ROCK2: variants seen among roughly 807,000 people sequenced by gnomAD.
ROCK2 encodes rho-associated protein kinase 2.
ROCK2 carries 61 observed loss-of-function variants against 195.1 expected under a neutral mutation model. The observed-to-expected ratio is 0.31, with a 90% CI of 0.25 to 0.39. The LOEUF is 0.39. ROCK2 is among the 10% of genes least tolerant of loss of function. The pLI is 1.00. For missense variants in ROCK2, 1,109 were observed against 1,637.4 expected, an observed-to-expected ratio of 0.68 and a Z score of 5.57; for synonymous variants, 504 against 545.5, an observed-to-expected ratio of 0.92 and a Z score of 1.06.
chr2:11,233,682 CAGGGAGAG>C (rs1206863222), intron 5 of ROCK2, among the ~76,000 whole-genome samples: 2 of 152,086 alleles, frequency 1.3e-5, no homozygotes, highest in Non-Finnish European at 2.9e-5. Flanking sequence ...TAACTGACAT[CAGGGAGAG>C]ATATAAAAAC....
intron 32 of ROCK2, among the ~76,000 whole-genome samples, chr2:11,190,349 C>A: frequency 7.7e-6 from 1 of 130,502 alleles, no homozygotes. Flanking sequence ...ATTCACAGGG[C>A]AAGGCCAGAA....
chr2:11,306,480 G>A (rs960745540), intron 1 of ROCK2, among the ~76,000 whole-genome samples: 1 of 152,100 alleles, frequency 6.6e-6, no homozygotes, highest in Non-Finnish European at 1.5e-5. Flanking sequence ...TTATTAAAAT[G>A]CAAACTGATA....
At chr2:11,312,881 G>A (rs953223238) in intron 1 of ROCK2, among the ~76,000 whole-genome samples, 1 of 151,982 alleles carries the variant, frequency 6.6e-6, no homozygotes, top group African/African-American at 2.4e-5. Context: ...AAAAGCCTAC[G>A]CACTGGACAA....
At chr2:11,305,327 G>T (rs1667822311) in intron 1 of ROCK2, among the ~76,000 whole-genome samples, 1 of 152,172 alleles carries the variant, frequency 6.6e-6, no homozygotes, top group Admixed American at 6.5e-5. Context: ...AGTGAGCAGA[G>T]ATCATGCCAC....
At chr2:11,274,401 A>G (rs1364382564) in intron 3 of ROCK2, among the ~76,000 whole-genome samples, 1 of 152,200 alleles carries the variant, frequency 6.6e-6, no homozygotes, top group East Asian at 1.9e-4. Context: ...GAGAATGCTC[A>G]AATTATTAAA....
At chr2:11,326,907 G>C (rs72789543) in intron 1 of ROCK2, among the ~76,000 whole-genome samples, 3 of 152,090 alleles carry the variant, frequency 2.0e-5, no homozygotes, top group Admixed American at 1.3e-4. Context: ...TCCCATGAAG[G>C]GGGGAGACCA....
chr2:11,219,035 A>G lies in ROCK2; in HGVS notation c.1260-9T>C, dbSNP rs1664530462. ...GAGAGTCACTTAATAATCTACATGG[A>G]AGGGGGGAGAAAATAAATTTTTTCA... On this transcript the variant is annotated splice_polypyrimidine_tract_variant and intron_variant, in intron 9 of 32. Coordinates refer to ENST00000315872, the MANE Select transcript of ROCK2 (RefSeq NM_004850.5). The G allele has an allele frequency of 1.4e-6, 2 of 1,398,922 alleles. No individual in the cohort carries two copies. Among genetic ancestry groups the G allele is most frequent in the South Asian group, 1.4e-5 (1 of 71,902 alleles). The allele number at this position is 1,398,922 out of a possible 1,614,324, so 86.7% of individuals were successfully genotyped here.
At chr2:11,251,447 T>A (rs1665828403) in intron 3 of ROCK2, among the ~76,000 whole-genome samples, 1 of 152,184 alleles carries the variant, frequency 6.6e-6, no homozygotes, top group Admixed American at 6.5e-5. Context: ...ATACTACAAA[T>A]GGGAAATCTG....
At chr2:11,338,875 T>C (rs753655073) in intron 1 of ROCK2, among the ~76,000 whole-genome samples, 1 of 151,372 alleles carries the variant, frequency 6.6e-6, no homozygotes, top group African/African-American at 2.4e-5. Context: ...ATTCCATTTT[T>C]ATGAAGTATA....
At chr2:11,264,931 G>A (rs1666361784) in intron 3 of ROCK2, among the ~76,000 whole-genome samples, 1 of 152,150 alleles carries the variant, frequency 6.6e-6, no homozygotes, top group African/African-American at 2.4e-5. Flanking sequence ...TGGAAAGATG[G>A]TTATGACCAT....
Position 11,201,447 on chromosome 2 carries a change from T to A in ROCK2, c.2620-34A>T, listed in dbSNP as rs1181835624. 3 of 1,089,742 alleles carry A rather than the reference T, an allele frequency of 2.8e-6. No homozygotes were observed. In the Admixed American group the frequency reaches 5.3e-5, roughly 19 times the overall value. 67.5% of individuals were successfully genotyped at this position (1,089,742 alleles called of 1,614,324 possible). On this transcript the variant is annotated intron_variant, in intron 21 of 32. Coordinates refer to ENST00000315872, the MANE Select transcript of ROCK2 (RefSeq NM_004850.5). The surrounding 1 kb of genome is among the most constrained non-coding windows in gnomAD (Gnocchi z 4.6). Reference sequence around the variant, plus strand: ...CAAAATACAACAGAAATGCGTATCATCATCAGAAATATTACTTCTACATTC... The same window carrying A: ...CAAAATACAACAGAAATGCGTATCAACATCAGAAATATTACTTCTACATTC...
At chr2:11,336,615 C>T (rs1668936379) in intron 1 of ROCK2, among the ~76,000 whole-genome samples, 1 of 152,154 alleles carries the variant, frequency 6.6e-6, no homozygotes, top group African/African-American at 2.4e-5. Context: ...TCCGGTGTAG[C>T]TACTAAGGTG....
chr2:11,318,766 G>C (rs1200018632), intron 1 of ROCK2, among the ~76,000 whole-genome samples: 1 of 152,088 alleles, frequency 6.6e-6, no homozygotes, highest in Non-Finnish European at 1.5e-5. Context: ...AATCCATCTT[G>C]AATTAATTTT....
chr2:11,206,218 T>G (rs986798689), intron 20 of ROCK2, among the ~76,000 whole-genome samples: 4 of 152,058 alleles, frequency 2.6e-5, no homozygotes, highest in Non-Finnish European at 5.9e-5. Flanking sequence ...GTGGCTAAGA[T>G]AGAAAACATG....
intron 32 of ROCK2, among the ~76,000 whole-genome samples, chr2:11,189,074 G>T (rs185439752): frequency 6.6e-6 from 1 of 152,068 alleles, no homozygotes; most frequent in East Asian, 1.9e-4. Flanking sequence ...AAGATGTAAT[G>T]ATGTAATGGC....
intron 32 of ROCK2, 148 bp from the exon 33 acceptor site, chr2:11,183,588 A>G: frequency 5.1e-6 from 3 of 590,662 alleles, no homozygotes; most frequent in Non-Finnish European, 5.9e-6. Flanking sequence ...GCATAAACAT[A>G]CTTACTGTAT....
Position 11,201,009 on chromosome 2 carries a change from A to C in ROCK2, c.2858T>G (p.Met953Arg). Reference protein sequence around the residue: ...KIMKELEIKEMMARHKQELTE... With the variant: ...KIMKELEIKERMARHKQELTE... ...AAGTTCCTGTTTGTGTCTAGCCATCATCTCTTTGATCTCCAGCTCTTTCAT... is the reference window on the plus strand; with the variant it reads ...AAGTTCCTGTTTGTGTCTAGCCATCCTCTCTTTGATCTCCAGCTCTTTCAT... Residue 953 changes from methionine (M) to arginine (R), a missense_variant, in exon 23 of 33, where the codon ATG (methionine) becomes AGG (arginine). Met to Arg is a moderately conservative substitution (Grantham distance 91, BLOSUM62 -1). Transcript: ENST00000315872. The surrounding 1 kb of genome is among the most constrained non-coding windows in gnomAD (Gnocchi z 4.6). The C allele has an allele frequency of 6.2e-7, 1 of 1,611,950 alleles. No individual in the cohort carries two copies. Among genetic ancestry groups the C allele is most frequent in the Non-Finnish European group, 8.5e-7 (1 of 1,179,416 alleles).
chr2:11,215,159 C>A, intron 15 of ROCK2, 73 bp from the exon 16 acceptor site: 1 of 1,550,912 alleles, frequency 6.4e-7, no homozygotes, highest in Non-Finnish European at 8.7e-7. Context: ...TCAATGTATT[C>A]CCCCATTAGA....
At chr2:11,308,153 A>G in intron 1 of ROCK2, 1 of 1,608,248 alleles carries the variant, frequency 6.2e-7, no homozygotes, top group East Asian at 2.2e-5. Context: ...GACATCTACA[A>G]AAAGAGGCCC....
Sources: allele counts gnomAD v4.1 joint callset (sites outside exome capture counted in the v4.1 genomes callset), GRCh38; gene constraint gnomAD v4.1.1; non-coding constraint Gnocchi (gnomAD v3.1); transcripts MANE v1.5; gene names NCBI Gene and HGNC (gene_info 2026-07-23, HGNC 2026-07-21).